Variants in TRPS1 observed in about 807,000 individuals in gnomAD.
TRPS1 encodes transcriptional repressor GATA binding 1, also known as zinc finger transcription factor Trps1.
TRPS1 carries 6 observed loss-of-function variants against 101.2 expected under a neutral mutation model. That is an observed-to-expected ratio of 0.06 (90% CI 0.03 to 0.12). TRPS1 has a LOEUF of 0.12. Among genes scored for constraint, TRPS1 ranks in the 10% least tolerant of loss-of-function variants. The pLI is 1.00. For synonymous variants in TRPS1, 578 were observed against 589.8 expected (o/e 0.98, Z 0.29); for missense variants, 1,363 against 1,567.0 (o/e 0.87, Z 2.20).
At chr8:115,541,557 T>G (rs1452164266) in intron 5 of TRPS1, among the ~76,000 whole-genome samples, 2 of 152,154 alleles carry the variant, frequency 1.3e-5, no homozygotes, top group South Asian at 2.1e-4. Context: ...AATTAAAAAT[T>G]AGGTTCAGAG....
intron 5 of TRPS1, among the ~76,000 whole-genome samples, chr8:115,562,876 C>CTCTG (rs1816979071): frequency 2.3e-5 from 3 of 132,592 alleles, no homozygotes. Context: ...CCCACAGTGT[C>CTCTG]TGTGTGTGTG....
chr8:115,535,336 C>CATATATAGCATATATAGA (rs1816281109), intron 5 of TRPS1, among the ~76,000 whole-genome samples: 1 of 48,036 alleles, frequency 2.1e-5, no homozygotes, highest in East Asian at 1.0e-3. Context: ...GCATATATAG[C>CATATATAGCATATATAGA]GCATATATAT....
intron 5 of TRPS1, among the ~76,000 whole-genome samples, chr8:115,454,084 G>C (rs922283226): frequency 6.6e-6 from 1 of 151,964 alleles, no homozygotes; most frequent in African/African-American, 2.4e-5. Context: ...GAAATTATAG[G>C]GTAGTGGGGT....
intron 5 of TRPS1, among the ~76,000 whole-genome samples, chr8:115,458,640 T>C (rs185671916): frequency 2.6e-4 from 39 of 152,302 alleles, no homozygotes; most frequent in African/African-American, 8.4e-4. Flanking sequence ...ACAAGTGTAA[T>C]GATTTGTTTA....
intron 1 of TRPS1, among the ~76,000 whole-genome samples, chr8:115,640,312 A>G (rs1271806775): frequency 1.3e-5 from 2 of 152,196 alleles, no homozygotes; most frequent in Non-Finnish European, 2.9e-5. Flanking sequence ...TATGGGAATG[A>G]TAAAACAATC....
chr8:115,655,283 T>C (rs531665881), intron 1 of TRPS1, among the ~76,000 whole-genome samples: 161 of 152,324 alleles, frequency 1.1e-3, no homozygotes, highest in African/African-American at 3.5e-3. Context: ...AGTTCCATCA[T>C]TGAGAAAAGA....
intron 5 of TRPS1, among the ~76,000 whole-genome samples, chr8:115,524,881 A>G (rs568291214): frequency 6.6e-6 from 1 of 152,282 alleles, no homozygotes; most frequent in African/African-American, 2.4e-5. Flanking sequence ...TTGCTTATAG[A>G]TATATGTAAC....
At chr8:115,596,451 T>C (rs1817786318) in intron 4 of TRPS1, among the ~76,000 whole-genome samples, 1 of 151,896 alleles carries the variant, frequency 6.6e-6, no homozygotes, top group South Asian at 2.1e-4. Flanking sequence ...ACACACATAT[T>C]CATTTACATC....
At chr8:115,512,507 A>G (rs1815610739) in intron 5 of TRPS1, among the ~76,000 whole-genome samples, 1 of 151,694 alleles carries the variant, frequency 6.6e-6, no homozygotes, top group African/African-American at 2.4e-5. Flanking sequence ...TGTGAAAAAT[A>G]GAAAATTATG....
chr8:115,486,667 G>A (rs1814887769), intron 5 of TRPS1, among the ~76,000 whole-genome samples: 1 of 152,198 alleles, frequency 6.6e-6, no homozygotes, highest in Non-Finnish European at 1.5e-5. Flanking sequence ...GGTCGGGATT[G>A]AAGTTCAAAC....
At chr8:115,535,026 C>CAT (rs1327101843) in intron 5 of TRPS1, among the ~76,000 whole-genome samples, 11 of 145,854 alleles carry the variant, frequency 7.5e-5, no homozygotes, top group African/African-American at 1.5e-4. Context: ...TATATATAAG[C>CAT]ATATATATAT....
chr8:115,471,808 C>T (rs1398732619), intron 5 of TRPS1, among the ~76,000 whole-genome samples: 1 of 152,170 alleles, frequency 6.6e-6, no homozygotes, highest in Non-Finnish European at 1.5e-5. Flanking sequence ...CCATGCAAGT[C>T]CGAAATCCAC....
intron 5 of TRPS1, among the ~76,000 whole-genome samples, chr8:115,447,650 T>C (rs1813770612): frequency 6.6e-6 from 1 of 150,852 alleles, no homozygotes. Context: ...TAGAAAGAGT[T>C]TGATGCTTTT....
chr8:115,553,839 T>A (rs1229036472), intron 5 of TRPS1, among the ~76,000 whole-genome samples: 10 of 152,166 alleles, frequency 6.6e-5, no homozygotes, highest in Non-Finnish European at 1.0e-4. Flanking sequence ...TGGAAAATCA[T>A]CTAAATTTGT....
chr8:115,661,398 A>G (rs997337842), intron 1 of TRPS1, among the ~76,000 whole-genome samples: 1 of 152,070 alleles, frequency 6.6e-6, no homozygotes, highest in Non-Finnish European at 1.5e-5. Context: ...TACATTCCAC[A>G]TATAAAACAC....
chr8:115,455,360 T>C (rs1339326772), intron 5 of TRPS1, among the ~76,000 whole-genome samples: 1 of 152,246 alleles, frequency 6.6e-6, no homozygotes, highest in Non-Finnish European at 1.5e-5. Flanking sequence ...ATGTATTACC[T>C]AATAATGGAA....
intron 4 of TRPS1, among the ~76,000 whole-genome samples, chr8:115,594,191 T>A (rs1452758114): frequency 1.3e-5 from 2 of 152,084 alleles, no homozygotes; most frequent in East Asian, 3.9e-4. Flanking sequence ...TCCTAAAACC[T>A]CTGGGTACAT....
intron 5 of TRPS1, among the ~76,000 whole-genome samples, chr8:115,579,060 A>T (rs542510706): frequency 6.6e-6 from 1 of 152,120 alleles, no homozygotes; most frequent in Admixed American, 6.6e-5. Flanking sequence ...CTTAATATCC[A>T]AGCCTCAGTT....
At chr8:115,587,952 C>T (rs1817605636) in intron 4 of TRPS1, among the ~76,000 whole-genome samples, 1 of 152,194 alleles carries the variant, frequency 6.6e-6, no homozygotes, top group African/African-American at 2.4e-5. Context: ...CTGTTAAATG[C>T]CCCACTCTGT....
Sources: allele counts gnomAD v4.1 joint callset (sites outside exome capture counted in the v4.1 genomes callset), GRCh38; gene constraint gnomAD v4.1.1; transcripts MANE v1.5; gene names NCBI Gene and HGNC (gene_info 2026-07-23, HGNC 2026-07-21).